Variants in CCDC144A observed in about 807,000 individuals in gnomAD.
CCDC144A encodes the protein coiled-coil domain-containing protein 144A.
CCDC144A carries 41 observed loss-of-function variants against 143.8 expected under a neutral mutation model. The ratio of observed to expected loss-of-function variants is 0.29; its 90% confidence interval spans 0.22 to 0.37. CCDC144A has a LOEUF of 0.37. Among genes scored for constraint, CCDC144A ranks in the 10% least tolerant of loss-of-function variants. The pLI is 1.00. For missense variants in CCDC144A, 637 were observed against 1,488.8 expected (o/e 0.43, Z 9.41); for synonymous variants, 242 against 517.9 (o/e 0.47, Z 7.23).
intron 2 of CCDC144A, among the ~76,000 whole-genome samples, chr17:16,695,923 A>C (rs568671288): frequency 0.023 from 3,538 of 152,134 alleles, 135 homozygotes; most frequent in African/African-American, 0.081. Flanking sequence ...GCTTGAGTGA[A>C]CTTTGCAGGG....
At chr17:16,753,664 CT>C (rs1914929430) in intron 12 of CCDC144A, among the ~76,000 whole-genome samples, 2 of 152,016 alleles carry the variant, frequency 1.3e-5, no homozygotes, top group African/African-American at 4.8e-5. Context: ...CTAACAGGCT[CT>C]TTTGGTGGCG....
intron 15 of CCDC144A, among the ~76,000 whole-genome samples, chr17:16,768,014 T>G (rs1015020251): frequency 4.6e-5 from 7 of 152,382 alleles, no homozygotes; most frequent in Non-Finnish European, 7.3e-5. Context: ...ACCACACCAA[T>G]TCAAAATTAC....
intron 16 of CCDC144A, chr17:16,772,734 G>A (rs546714954): frequency 8.7e-6 from 14 of 1,613,634 alleles, no homozygotes; most frequent in South Asian, 2.2e-5. Flanking sequence ...TGCCTCCACC[G>A]AAAAGCCTAC....
At chr17:16,765,991 C>G (rs1273526372) in intron 15 of CCDC144A, 1 of 152,322 alleles carries the variant, frequency 6.6e-6, no homozygotes, top group East Asian at 1.9e-4. Flanking sequence ...GACACACATC[C>G]ATGACACAGC....
chr17:16,769,429 G>T (rs397839726), intron 15 of CCDC144A, among the ~76,000 whole-genome samples: 1 of 152,274 alleles, frequency 6.6e-6, no homozygotes, highest in Admixed American at 6.5e-5. Flanking sequence ...AATTAATGAT[G>T]AGAAGTTGGA....
the CCDC144A span, among the ~76,000 whole-genome samples, chr17:16,677,913 G>C: frequency 6.6e-6 from 1 of 151,840 alleles, no homozygotes; most frequent in African/African-American, 2.4e-5. Flanking sequence ...TAATTAATTT[G>C]ACTGATTTTG....
intron 2 of CCDC144A, among the ~76,000 whole-genome samples, chr17:16,701,842 T>C (rs66691789): frequency 0.055 from 7,360 of 134,900 alleles, 487 homozygotes; most frequent in African/African-American, 0.14. Flanking sequence ...ACTGGACCAT[T>C]GTGCTCTAGG....
intron 12 of CCDC144A, among the ~76,000 whole-genome samples, chr17:16,744,426 T>C (rs1202565469): frequency 1.3e-5 from 2 of 152,242 alleles, no homozygotes; most frequent in Non-Finnish European, 2.9e-5. Context: ...TGGTATGTCA[T>C]TGTGGCTTTG....
At chr17:16,768,190 G>A (rs1597597844) in intron 15 of CCDC144A, among the ~76,000 whole-genome samples, 1 of 152,354 alleles carries the variant, frequency 6.6e-6, no homozygotes, top group East Asian at 1.9e-4. Context: ...AGGTGCTGGG[G>A]TGATTACCCT....
intron 12 of CCDC144A, among the ~76,000 whole-genome samples, chr17:16,759,909 C>G (rs1201829320): frequency 1.3e-5 from 2 of 152,196 alleles, no homozygotes; most frequent in Non-Finnish European, 2.9e-5. Flanking sequence ...GGCCAACTCC[C>G]TTTTTCTTTA....
intron 12 of CCDC144A, among the ~76,000 whole-genome samples, chr17:16,739,438 G>A (rs1188370415): frequency 1.3e-5 from 2 of 150,792 alleles, no homozygotes; most frequent in Non-Finnish European, 2.9e-5. Flanking sequence ...CTCTGTTCAA[G>A]CACAGAAGTT....
chr17:16,721,727 T>G (rs1278271403), intron 8 of CCDC144A, among the ~76,000 whole-genome samples: 1 of 150,490 alleles, frequency 6.6e-6, no homozygotes, highest in Non-Finnish European at 1.5e-5. Context: ...GACAAAATGG[T>G]CTCTGTCACA....
chr17:16,765,063 G>T (rs1167136199), intron 15 of CCDC144A: 1 of 91,996 alleles, frequency 1.1e-5, no homozygotes, highest in South Asian at 4.2e-4. Flanking sequence ...GTTCAACCGT[G>T]TGGTTTCACT....
At chr17:16,693,316 G>GTTTTTTTTTGT (rs1911197471) in intron 2 of CCDC144A, among the ~76,000 whole-genome samples, 2 of 147,028 alleles carry the variant, frequency 1.4e-5, no homozygotes, top group Admixed American at 6.7e-5. Context: ...AAGAAAAAGT[G>GTTTTTTTTTGT]TTTTTTTTTG....
At chr17:16,681,095 A>G in the CCDC144A span, among the ~76,000 whole-genome samples, 1 of 152,096 alleles carries the variant, frequency 6.6e-6, no homozygotes, top group Admixed American at 6.6e-5. Flanking sequence ...AATGAGATGA[A>G]TAACTTGAAA....
intron 15 of CCDC144A, chr17:16,767,182 C>T (rs1288098533): frequency 1.3e-5 from 2 of 151,936 alleles, no homozygotes; most frequent in African/African-American, 4.9e-5. Context: ...ATAATCCTAG[C>T]TACTTGGGAG....
At chr17:16,714,894 A>G (rs1388635715) in intron 6 of CCDC144A, among the ~76,000 whole-genome samples, 6 of 152,084 alleles carry the variant, frequency 3.9e-5, no homozygotes, top group Admixed American at 2.6e-4. Context: ...GCTCTTCGTT[A>G]TCTATCACAG....
chr17:16,757,484 G>C (rs1374782981), intron 12 of CCDC144A, among the ~76,000 whole-genome samples: 2 of 152,246 alleles, frequency 1.3e-5, no homozygotes, highest in Non-Finnish European at 2.9e-5. Context: ...CTGGGTAAAG[G>C]CACAGAGGCC....
intron 12 of CCDC144A, among the ~76,000 whole-genome samples, chr17:16,742,089 CAA>C (rs1401735609): frequency 8.8e-5 from 9 of 101,866 alleles, no homozygotes; most frequent in African/African-American, 2.2e-4. Context: ...GACTCTGTCT[CAA>C]AAAAAAAAAA....
Sources: allele counts gnomAD v4.1 joint callset (sites outside exome capture counted in the v4.1 genomes callset), GRCh38; gene constraint gnomAD v4.1.1; transcripts MANE v1.5; gene names NCBI Gene and HGNC (gene_info 2026-07-23, HGNC 2026-07-21).